The following GRAMD2B variants were observed in gnomAD, a reference collection of about 807,000 sequenced individuals.
The protein encoded by GRAMD2B is GRAM domain-containing protein 2B.
Under a neutral mutation model 59.2 loss-of-function variants are expected in GRAMD2B, and 41 were observed. The ratio of observed to expected loss-of-function variants is 0.69; its 90% CI spans 0.54 to 0.90. GRAMD2B has a LOEUF of 0.90. Among genes scored for constraint, GRAMD2B ranks in the 40% least tolerant of loss-of-function variants. GRAMD2B has a pLI of 0.00. For missense variants in GRAMD2B, 424 were observed against 500.5 expected, an observed-to-expected ratio of 0.85 and a Z score of 1.46; for synonymous variants, 161 against 182.7, an observed-to-expected ratio of 0.88 and a Z score of 0.96.
At chr5:126,422,199 ATT>A (rs11293263), upstream of GRAMD2B, among the ~76,000 whole-genome samples, 177 of 143,954 alleles carry the variant, frequency 1.2e-3, no homozygotes, top group African/African-American at 3.1e-3. Context: ...TTATGCACGG[ATT>A]TTTTTTTTTT....
chr5:126,419,660 C>T (rs1272861637), upstream of GRAMD2B, among the ~76,000 whole-genome samples: 1 of 152,200 alleles, frequency 6.6e-6, no homozygotes, highest in East Asian at 1.9e-4. Flanking sequence ...CAATATCAAA[C>T]ATCAAAGCTG....
At chr5:126,411,503 T>C (rs907132952) in intron 1 of GRAMD2B, among the ~76,000 whole-genome samples, 1 of 152,142 alleles carries the variant, frequency 6.6e-6, no homozygotes, top group African/African-American at 2.4e-5. Context: ...TCAGTTACTG[T>C]AGCATTATAG....
chr5:126,430,549 C>G (rs1580937292), intron 1 of GRAMD2B, among the ~76,000 whole-genome samples: 1 of 152,140 alleles, frequency 6.6e-6, no homozygotes, highest in Non-Finnish European at 1.5e-5. Flanking sequence ...TCTAGGCAAT[C>G]ACTACCTACT....
intron 1 of GRAMD2B, among the ~76,000 whole-genome samples, chr5:126,407,672 T>C (rs1054260687): frequency 3.3e-5 from 5 of 151,994 alleles, no homozygotes; most frequent in African/African-American, 9.7e-5. Context: ...ACATCTTGTA[T>C]ATCTTTAGTA....
intron 8 of GRAMD2B, among the ~76,000 whole-genome samples, chr5:126,481,706 G>A (rs1006891851): frequency 1.3e-5 from 2 of 152,266 alleles, no homozygotes; most frequent in African/African-American, 2.4e-5. Flanking sequence ...AGTGGCTCAC[G>A]CCTGTAATCC....
chr5:126,397,557 T>C (rs1757466907), intron 1 of GRAMD2B, among the ~76,000 whole-genome samples: 1 of 152,166 alleles, frequency 6.6e-6, no homozygotes, highest in South Asian at 2.1e-4. Flanking sequence ...CTTCTATATA[T>C]ATTTTATTGA....
At chr5:126,386,824 T>C (rs1424861503) in intron 1 of GRAMD2B, among the ~76,000 whole-genome samples, 1 of 152,192 alleles carries the variant, frequency 6.6e-6, no homozygotes, top group Non-Finnish European at 1.5e-5. Context: ...TTTTGGAGGC[T>C]GGCAAGTTGG....
intron 1 of GRAMD2B, among the ~76,000 whole-genome samples, chr5:126,404,425 T>C (rs1347584350): frequency 6.6e-6 from 1 of 151,794 alleles, no homozygotes; most frequent in African/African-American, 2.4e-5. Flanking sequence ...AGAAAGTCAG[T>C]GCATGCTTGA....
rs151051938 is a variant in GRAMD2B, at chr5:126,477,717, C to A, written c.512C>A (p.Thr171Asn). ...TKISIPAFSV[T>N]LIKKTKTALL... The stretch of plus-strand genomic sequence containing the variant: ...ATCTCTATTCCAGCTTTCTCGGTAA[C>A]CCTAATAAAGAAAACCAAAACTGCT... Residue 171 changes from threonine to asparagine, a missense_variant, in exon 6 of 14, where the codon ACC (threonine) becomes AAC (asparagine). Coordinates refer to ENST00000285689, the MANE Select transcript of GRAMD2B (RefSeq NM_023927.4). The A allele has an allele frequency of 5.6e-6, 9 of 1,608,854 alleles. No homozygotes were observed. The highest frequency in any genetic ancestry group is 7.7e-6 in the Non-Finnish European group (9 of 1,175,404).
intron 1 of GRAMD2B, among the ~76,000 whole-genome samples, chr5:126,381,770 T>C (rs1346322205): frequency 6.6e-6 from 1 of 152,044 alleles, no homozygotes; most frequent in Non-Finnish European, 1.5e-5. Context: ...TTTTTCATTG[T>C]GTTATTGTTT....
intron 1 of GRAMD2B, among the ~76,000 whole-genome samples, chr5:126,362,887 G>A (rs1365021525): frequency 5.3e-5 from 8 of 152,038 alleles, no homozygotes; most frequent in African/African-American, 1.4e-4. Flanking sequence ...ATAAACATAC[G>A]AGTAAATAAT....
chr5:126,480,417 G>A (rs764893827), intron 6 of GRAMD2B, 39 bp from the exon 7 acceptor site: 25 of 1,451,106 alleles, frequency 1.7e-5, no homozygotes, highest in Middle Eastern at 1.8e-4. Context: ...CTTCTCATCC[G>A]GCAATATCTA....
chr5:126,366,649 C>T (rs1754449042), upstream of GRAMD2B, among the ~76,000 whole-genome samples: 1 of 152,122 alleles, frequency 6.6e-6, no homozygotes, highest in Non-Finnish European at 1.5e-5. Context: ...AGTAACAAAG[C>T]AATGAAATAA....
chr5:126,439,933 T>G (rs544144569), intron 1 of GRAMD2B, among the ~76,000 whole-genome samples: 13 of 152,308 alleles, frequency 8.5e-5, no homozygotes, highest in African/African-American at 2.9e-4. Context: ...TCTGCCACCA[T>G]GTAAGACGTG....
intron 13 of GRAMD2B, among the ~76,000 whole-genome samples, chr5:126,489,491 AG>A (rs1773549726): frequency 6.6e-6 from 1 of 152,236 alleles, no homozygotes; most frequent in Non-Finnish European, 1.5e-5. Flanking sequence ...AACCTGAACC[AG>A]GCCTGTCTGA....
In GRAMD2B at chr5:126,480,668, A is replaced by G. The variant is rs1414674831; in HGVS notation, c.696A>G (p.Glu232=). The change falls in exon 8 of 14, where the codon GAA becomes GAG. Residue 232 remains glutamate, a synonymous_variant. Transcript: ENST00000285689. The part of the protein sequence containing the change: ...VGNSPNPSSA[E]NSFRADRPSS... ...ACAGTCCCAATCCATCTTCTGCTGA[A>G]AACAGTTTCCGAGCAGACCGCCCTT... is the stretch of plus-strand genomic sequence containing the variant. 1.2e-6 allele frequency: 2 copies of G among 1,614,186 alleles called. No homozygotes were observed. The highest frequency in any genetic ancestry group is 3.3e-5 in the Admixed American group (2 of 60,026).
chr5:126,385,610 A>G (rs1756053836), intron 1 of GRAMD2B, among the ~76,000 whole-genome samples: 1 of 152,210 alleles, frequency 6.6e-6, no homozygotes, highest in Admixed American at 6.5e-5. Flanking sequence ...CGGAAATAAC[A>G]TTTTCCTCAA....
intron 1 of GRAMD2B, among the ~76,000 whole-genome samples, chr5:126,434,469 A>G (rs962651947): frequency 6.6e-6 from 1 of 152,010 alleles, no homozygotes; most frequent in Non-Finnish European, 1.5e-5. Context: ...ACTGTCTACA[A>G]GACACTATTC....
chr5:126,454,011 T>A (rs1378865600), intron 1 of GRAMD2B, among the ~76,000 whole-genome samples: 1 of 152,238 alleles, frequency 6.6e-6, no homozygotes, highest in Non-Finnish European at 1.5e-5. Flanking sequence ...AGTGGGAATG[T>A]AATTGGATTT....
Sources: gnomAD v4.1 joint callset for allele counts (sites outside exome capture counted in the v4.1 genomes callset) on GRCh38, gnomAD v4.1.1 for gene constraint, MANE v1.5 for transcripts, NCBI Gene and HGNC (gene_info 2026-07-23, HGNC 2026-07-21) for gene names.